The following FGF13 variants were observed in gnomAD, a reference collection of about 807,000 sequenced individuals.
The protein encoded by FGF13 is fibroblast growth factor homologous factor 2.
Under a neutral mutation model 19.5 loss-of-function variants are expected in FGF13, and 2 were observed. That is an observed-to-expected ratio of 0.10 (90% confidence interval 0.04 to 0.32). FGF13 has a LOEUF of 0.32. Ranked by LOEUF, FGF13 falls within the 10% of genes least tolerant of loss-of-function variation. FGF13 has a pLI of 1.00. For missense variants in FGF13, 113 were observed against 192.7 expected (o/e 0.59, Z 2.45); for synonymous variants, 72 against 76.9 (o/e 0.94, Z 0.33).
At chrX:138,685,837 AT>A (rs376036357) in intron 3 of FGF13, among the ~76,000 whole-genome samples, 4 of 108,916 alleles carry the variant, frequency 3.7e-5, no homozygotes, top group Admixed American at 1.0e-4. Context: ...AACATTTATT[AT>A]TTTTTTTATC....
chrX:139,199,303 T>A (rs1329708647), intron 1 of FGF13, among the ~76,000 whole-genome samples: 1 of 102,543 alleles, frequency 9.8e-6, no homozygotes, highest in Admixed American at 9.9e-5. Context: ...GCACATGGTT[T>A]TTCCCCCCTC....
At chrX:138,971,889 T>C (rs894762511) in intron 1 of FGF13, among the ~76,000 whole-genome samples, 2 of 111,982 alleles carry the variant, frequency 1.8e-5, no homozygotes, top group Non-Finnish European at 3.8e-5. Context: ...ACCACTGTTG[T>C]ACTCTCTACT....
chrX:138,984,523 G>GAAGAACAAGAAGAAGAA (rs2091979498), intron 1 of FGF13, among the ~76,000 whole-genome samples: 2 of 31,578 alleles, frequency 6.3e-5, no homozygotes, highest in African/African-American at 2.5e-4. Flanking sequence ...AAGAAGAAGA[G>GAAGAACAAGAAGAAGAA]GAAGAAGAAG....
intron 1 of FGF13, among the ~76,000 whole-genome samples, chrX:138,946,886 C>A (rs2091784253): frequency 8.9e-6 from 1 of 112,161 alleles, no homozygotes; most frequent in Admixed American, 9.5e-5. Flanking sequence ...CAGTCTCCAA[C>A]AACTTCCAAA....
chrX:139,204,206 G>A, upstream of FGF13: 1 of 798,122 alleles, frequency 1.3e-6, no homozygotes, highest in South Asian at 2.2e-5. Flanking sequence ...TCTCGACCAC[G>A]AGCTCCCCTC....
chrX:139,150,440 C>T (rs1206510470), intron 1 of FGF13, among the ~76,000 whole-genome samples: 1 of 111,953 alleles, frequency 8.9e-6, no homozygotes, highest in Non-Finnish European at 1.9e-5. Context: ...ATGGTCAAAC[C>T]CACCTATCCA....
intron 4 of FGF13, among the ~76,000 whole-genome samples, chrX:138,634,814 T>G (rs2124094651): frequency 8.9e-6 from 1 of 112,122 alleles, no homozygotes; most frequent in Admixed American, 9.4e-5. Context: ...TGTAAATCAG[T>G]ACAACCACTA....
At chrX:138,911,081 C>T (rs1569422273) in intron 1 of FGF13, among the ~76,000 whole-genome samples, 1 of 110,727 alleles carries the variant, frequency 9.0e-6, no homozygotes, top group Non-Finnish European at 1.9e-5. Context: ...ACTAACATAT[C>T]CTCAGGTGAC....
chrX:139,194,816 A>C (rs777291345), intron 1 of FGF13, among the ~76,000 whole-genome samples: 69 of 111,553 alleles, frequency 6.2e-4, no homozygotes, highest in Middle Eastern at 4.6e-3. Context: ...AGCGCGCAGT[A>C]TCTTCCCCCG....
chrX:139,128,069 AAGCTTAAGAAACTCAAG>A (rs1416724671), intron 1 of FGF13, among the ~76,000 whole-genome samples: 1 of 110,691 alleles, frequency 9.0e-6, no homozygotes, highest in Non-Finnish European at 1.9e-5. Flanking sequence ...ATTTGCCCAG[AAGCTTAAGAAACTCAAG>A]AGCTTAAGAA....
Position 139,191,781 on chromosome X carries a change from C to T in FGF13, c.-113+11635G>A, listed in dbSNP as rs142711051. On this transcript the variant is annotated intron_variant, in intron 1 of 2. Transcript: ENST00000421460. ...GAATTACCTTGTCCACCCTGTGTCA[C>T]CCTGCTCTAGACTGGCAGAGAAATG... Among the ~76,000 whole-genome samples, 813 of 111,555 alleles carry T rather than the reference C, an allele frequency of 7.3e-3. 8 individuals are homozygous for T. Among genetic ancestry groups the T allele is most frequent in the African/African-American group, 0.025 (762 of 30,661 alleles).
intron 3 of FGF13, among the ~76,000 whole-genome samples, chrX:138,639,169 T>C (rs756722509): frequency 8.9e-6 from 1 of 111,822 alleles, no homozygotes; most frequent in East Asian, 2.8e-4. Flanking sequence ...GTTTCACCCC[T>C]ATGTCTCTGC....
At chrX:138,771,169 C>T (rs184673436) in intron 3 of FGF13, among the ~76,000 whole-genome samples, 31 of 111,606 alleles carry the variant, frequency 2.8e-4, no homozygotes, top group African/African-American at 1.0e-3. Context: ...AGCATGCATC[C>T]TTGCTCCTGC....
chrX:139,050,649 T>C lies in FGF13; in HGVS notation c.-113+152767A>G, dbSNP rs764979478. On this transcript the variant is annotated intron_variant, in intron 1 of 2. Coordinates refer to the FGF13 transcript ENST00000421460. ...CTCTCAAAGGGAGGCCACTATGTTT[T>C]AAAATAGAATGTGCTATATGCCTCC... Among the ~76,000 whole-genome samples, 16 of 112,405 alleles carry C rather than the reference T, an allele frequency of 1.4e-4. No homozygotes were observed. The South Asian group carries it at 5.9e-3, about 41-fold the overall frequency.
At chrX:139,061,697 G>C (rs1569448539) in intron 1 of FGF13, among the ~76,000 whole-genome samples, 1 of 111,451 alleles carries the variant, frequency 9.0e-6, no homozygotes, top group Non-Finnish European at 1.9e-5. Context: ...GGGTACAAGG[G>C]TTCCCTTTTG....
chrX:138,767,822 G>A (rs2090513209), intron 3 of FGF13, among the ~76,000 whole-genome samples: 1 of 112,181 alleles, frequency 8.9e-6, no homozygotes, highest in African/African-American at 3.2e-5. Flanking sequence ...CTGTGAAAAG[G>A]GAATAACAAT....
intron 1 of FGF13, among the ~76,000 whole-genome samples, chrX:139,003,410 G>A (rs746601534): frequency 4.5e-5 from 5 of 111,769 alleles, no homozygotes; most frequent in Admixed American, 9.4e-5. Flanking sequence ...TGCAAAGAGC[G>A]AAAGAACAAA....
intron 1 of FGF13, among the ~76,000 whole-genome samples, chrX:139,197,993 C>CAAAAAAA (rs57335781): frequency 8.6e-5 from 2 of 23,292 alleles, no homozygotes; most frequent in Admixed American, 5.3e-4. Flanking sequence ...GACCCTACCT[C>CAAAAAAA]AAAAAAAAAA....
intron 3 of FGF13, among the ~76,000 whole-genome samples, chrX:138,691,817 A>T (rs929912416): frequency 2.7e-5 from 3 of 112,293 alleles, no homozygotes; most frequent in Non-Finnish European, 5.6e-5. Context: ...AGTAGTTAGC[A>T]TCAGATTATC....
Sources: allele counts gnomAD v4.1 joint callset (sites outside exome capture counted in the v4.1 genomes callset), GRCh38; gene constraint gnomAD v4.1.1; transcripts MANE v1.5; gene names NCBI Gene and HGNC (gene_info 2026-07-23, HGNC 2026-07-21).